Variants in CASS4 observed in about 807,000 individuals in gnomAD.
The protein encoded by CASS4 is Cas scaffold protein family member 4, also known as cas scaffolding protein family member 4.
A neutral mutation model predicts 54.2 loss-of-function variants in CASS4; 22 were observed. The observed-to-expected ratio is 0.41, with a 90% CI of 0.29 to 0.58. The LOEUF is 0.58. CASS4 is among the 20% of genes least tolerant of loss of function. The pLI is 0.36. For missense variants in CASS4, 854 were observed against 986.7 expected (o/e 0.87, Z 1.80); for synonymous variants, 409 against 391.5 (o/e 1.04, Z -0.53).
Position 56,437,541 on chromosome 20 carries a change from C to A in CASS4, c.414C>A (p.Thr138=). ...TCTATGAATTCCCCGACCCTCCCACCAGTGCCAGAATCATCTGTGAAAAGA... is the reference window on the plus strand; with the variant it reads ...TCTATGAATTCCCCGACCCTCCCACAAGTGCCAGAATCATCTGTGAAAAGA... ...AQVYEFPDPP[T]SARIICEKTL... Residue 138 remains threonine, a synonymous_variant, in exon 2 of 6, where the codon ACC becomes ACA. Transcript: ENST00000679887. This position sits in a 1 kb window ranked among gnomAD's most constrained non-coding sequence, Gnocchi z 4.7. 2 of 1,568,056 alleles carry A rather than the reference C, an allele frequency of 1.3e-6. No homozygotes were observed. The highest frequency in any genetic ancestry group is 1.7e-6 in the Non-Finnish European group (2 of 1,158,480).
Position 56,430,100 on chromosome 20 carries a change from A to G in CASS4, c.37-7064A>G, listed in dbSNP as rs1259419164. ...ATGCTCAATACAATCTTGGTGAATG[A>G]ATGAATGAATGAATTGCTCCCCAGA... is the stretch of plus-strand genomic sequence containing the variant. On this transcript the variant is annotated intron_variant, in intron 1 of 5. Coordinates refer to ENST00000679887, the MANE Select transcript of CASS4 (RefSeq NM_020356.4). This position sits in a 1 kb window ranked among gnomAD's most constrained non-coding sequence, Gnocchi z 4.2. Among the ~76,000 whole-genome samples the G allele has an allele frequency of 6.6e-6, 1 of 152,180 alleles. No homozygotes were observed. The highest frequency in any genetic ancestry group is 1.5e-5 in the Non-Finnish European group (1 of 68,046).
At chr20:56,455,643 T>C (rs2146299705) in intron 5 of CASS4, among the ~76,000 whole-genome samples, 1 of 152,300 alleles carries the variant, frequency 6.6e-6, no homozygotes, top group Non-Finnish European at 1.5e-5. Flanking sequence ...AAAACTCACA[T>C]GGCTGGCCGG....
At chr20:56,454,175 T>C (rs1370505938) in intron 5 of CASS4, among the ~76,000 whole-genome samples, 1 of 152,188 alleles carries the variant, frequency 6.6e-6, no homozygotes, top group Non-Finnish European at 1.5e-5. Context: ...AGCAAGACTC[T>C]GTCTCAAGAA....
Position 56,452,886 on chromosome 20 carries a change from A to G in CASS4, c.1710A>G (p.Pro570=). 1.9e-6 allele frequency: 3 copies of G among 1,614,142 alleles called. No homozygotes were observed. Among genetic ancestry groups the G allele is most frequent in the Non-Finnish European group, 2.5e-6 (3 of 1,180,034 alleles). Residue 570 remains proline (P), a synonymous_variant, in exon 5 of 6, where the codon CCA becomes CCG. Transcript: ENST00000679887. ...ERFVMVARML[P]EDIKRFASIV... is the part of the protein sequence containing the mutation. Reference sequence around the variant, plus strand: ...TTGTCATGGTGGCACGGATGCTTCCAGAAGACATCAAGAGGTTTGCCTCCA... The same window carrying G: ...TTGTCATGGTGGCACGGATGCTTCCGGAAGACATCAAGAGGTTTGCCTCCA...
chr20:56,448,141 CAAA>C (rs11470665), intron 3 of CASS4, among the ~76,000 whole-genome samples: 72 of 109,754 alleles, frequency 6.6e-4, no homozygotes, highest in East Asian at 2.2e-3. Context: ...GACTCTGTCT[CAAA>C]AAAAAAAAAA....
At chr20:56,417,702 G>C (rs1979209988) in intron 1 of CASS4, among the ~76,000 whole-genome samples, 1 of 152,166 alleles carries the variant, frequency 6.6e-6, no homozygotes, top group African/African-American at 2.4e-5. Context: ...GTGGAGCCCT[G>C]GCTGCAGCCC....
intron 1 of CASS4, among the ~76,000 whole-genome samples, chr20:56,432,123 G>C (rs748559086): frequency 6.6e-6 from 1 of 151,626 alleles, no homozygotes; most frequent in Non-Finnish European, 1.5e-5. Context: ...AGATCATTGA[G>C]GGGCTAGGTA....
At chr20:56,455,481 A>G (rs760501860) in intron 5 of CASS4, among the ~76,000 whole-genome samples, 16 of 152,222 alleles carry the variant, frequency 1.1e-4, no homozygotes, top group Non-Finnish European at 1.5e-4. Flanking sequence ...ACAAGAATTC[A>G]GGCCTCCTGA....
At position 56,452,472 on chromosome 20, in the gene CASS4, G is replaced by A. The variant is rs759334702; in HGVS notation, c.1296G>A (p.Glu432=). The A allele has an allele frequency of 9.3e-6, 15 of 1,613,528 alleles. No individual in the cohort carries two copies. Among genetic ancestry groups the A allele is most frequent in the Non-Finnish European group, 1.3e-5 (15 of 1,179,736 alleles). The part of the protein sequence containing the change: ...SSSSSEESAK[E]LSLDLDVAKE... ...CTTCCTCGGAGGAGTCAGCAAAGGAGCTCTCCTTGGACCTGGATGTGGCCA... is the reference window on the plus strand; with the variant it reads ...CTTCCTCGGAGGAGTCAGCAAAGGAACTCTCCTTGGACCTGGATGTGGCCA... The change falls in exon 5 of 6, where the codon GAG becomes GAA. Residue 432 remains glutamate (E), a synonymous_variant. Coordinates refer to ENST00000679887, the MANE Select transcript of CASS4 (RefSeq NM_020356.4).
chr20:56,430,669 C>G lies in CASS4; in HGVS notation c.37-6495C>G, dbSNP rs546904897. On this transcript the variant is annotated intron_variant, in intron 1 of 5. Transcript: ENST00000679887. The surrounding 1 kb of genome is among the most constrained non-coding windows in gnomAD (Gnocchi z 4.2). ...GTGCTGGCTGCTGCTATTGCAATGT[C>G]CAGTGCTCCCTGCACGCCCAGCCTG... 1.3e-5 allele frequency among the ~76,000 whole-genome samples: 2 copies of G among 152,268 alleles called. No individual in the cohort carries two copies. The highest frequency in any genetic ancestry group is 3.9e-4 in the East Asian group (2 of 5,178).
chr20:56,424,468 T>C (rs1430724340), intron 1 of CASS4, among the ~76,000 whole-genome samples: 1 of 152,070 alleles, frequency 6.6e-6, no homozygotes, highest in South Asian at 2.1e-4. Context: ...CGGCCAGGCA[T>C]GGTGGCTCAC....
chr20:56,421,820 T>C (rs1011768851), intron 1 of CASS4, among the ~76,000 whole-genome samples: 4 of 150,244 alleles, frequency 2.7e-5, no homozygotes, highest in African/African-American at 9.7e-5. Flanking sequence ...CTTTCCTCAC[T>C]TTTTTCCTTA....
Position 56,437,484 on chromosome 20 carries a change from G to A in CASS4, c.357G>A (p.Trp119Ter), listed in dbSNP as rs768034851. The A allele has an allele frequency of 1.2e-6, 2 of 1,611,486 alleles. No homozygotes were observed. The highest frequency in any genetic ancestry group is 1.7e-6 in the Non-Finnish European group (2 of 1,178,762). The change falls in exon 2 of 6, where the codon TGG becomes TGA. Residue 119 changes from tryptophan (W) to a stop codon, truncating the protein, a stop_gained. Transcript: ENST00000679887. LOFTEE classifies it high-confidence loss of function. The surrounding 1 kb of genome is among the most constrained non-coding windows in gnomAD (Gnocchi z 4.7). ...CCGTTTATGAGCAGATGAGGAGTTGGGCGGAGGGGCCCCAGCCCCCTACTG... is the reference window on the plus strand; with the variant it reads ...CCGTTTATGAGCAGATGAGGAGTTGAGCGGAGGGGCCCCAGCCCCCTACTG... Reference protein sequence around the residue: ...PGPVYEQMRSWAEGPQPPTAQ... With the variant: ...PGPVYEQMRS
intron 1 of CASS4, among the ~76,000 whole-genome samples, chr20:56,429,654 G>T (rs375037401): frequency 1.5e-4 from 23 of 151,506 alleles, no homozygotes; most frequent in Non-Finnish European, 1.5e-5. Flanking sequence ...CCTCACCCAC[G>T]CACTCCGGCC....
intron 1 of CASS4, among the ~76,000 whole-genome samples, chr20:56,423,964 C>T (rs916241718): frequency 6.6e-6 from 1 of 152,170 alleles, no homozygotes; most frequent in Non-Finnish European, 1.5e-5. Context: ...ATAATTTTCA[C>T]CTTTTTCAAA....
Position 56,452,368 on chromosome 20 carries a change from T to A in CASS4, c.1192T>A (p.Leu398Ile), listed in dbSNP as rs1431665162. The change falls in exon 5 of 6, where the codon TTA (leucine) becomes ATA (isoleucine). Residue 398 changes from leucine to isoleucine, a missense_variant. Physicochemically the swap from Leu to Ile is conservative, Grantham distance 5 (BLOSUM62 2). Transcript: ENST00000679887. ...TTSPSPEPDR[L>I]SGSSSDSRAS... is the part of the protein sequence containing the mutation. ...TTCCCCATCTCCTGAACCGGACAGA[T>A]TATCAGGTTCCAGTTCTGACAGCAG... 6.2e-7 allele frequency: 1 copy of A among 1,613,812 alleles called. No individual in the cohort carries two copies. Among genetic ancestry groups the A allele is most frequent in the African/African-American group, 1.3e-5 (1 of 74,898 alleles).
intron 2 of CASS4, among the ~76,000 whole-genome samples, chr20:56,439,057 C>G (rs902800893): frequency 5.3e-5 from 8 of 152,202 alleles, no homozygotes; most frequent in African/African-American, 1.9e-4. Flanking sequence ...GCACGTGGGA[C>G]CAGGCCTGGC....
chr20:56,428,995 T>C (rs1444536552), intron 1 of CASS4, among the ~76,000 whole-genome samples: 1 of 148,260 alleles, frequency 6.7e-6, no homozygotes, highest in East Asian at 2.0e-4. Flanking sequence ...AGAAAGAAAA[T>C]TGAAGGTAAA....
In CASS4 at chr20:56,442,983, G is replaced by T. The variant is rs982789560; in HGVS notation, c.460-2917G>T. On this transcript the variant is annotated intron_variant, in intron 2 of 5. Coordinates refer to ENST00000679887, the MANE Select transcript of CASS4 (RefSeq NM_020356.4). ...TGGAGGTGCCCTTATAGGCAAAGGG[G>T]ATCCCACAGTCAGCCATCAAAATAA... Among the ~76,000 whole-genome samples the T allele has an allele frequency of 1.8e-4, 27 of 151,876 alleles. 2 individuals are homozygous for T. The highest frequency in any genetic ancestry group is 3.4e-3 in the Middle Eastern group (1 of 294).
Sources: gnomAD v4.1 joint callset for allele counts (sites outside exome capture counted in the v4.1 genomes callset) on GRCh38, gnomAD v4.1.1 for gene constraint, Gnocchi (gnomAD v3.1) non-coding constraint, MANE v1.5 for transcripts, NCBI Gene and HGNC (gene_info 2026-07-23, HGNC 2026-07-21) for gene names.